CAMK4: variants seen among roughly 807,000 people sequenced by gnomAD.
CAMK4 encodes the protein calcium/calmodulin dependent protein kinase IV.
A neutral mutation model predicts 44.9 loss-of-function variants in CAMK4; 22 were observed. That is an observed-to-expected ratio of 0.49 (90% CI 0.35 to 0.70). The LOEUF is 0.70. CAMK4 is among the 30% of genes least tolerant of loss of function. CAMK4 has a pLI of 0.01. For missense variants in CAMK4, 498 were observed against 586.8 expected (o/e 0.85, Z 1.56); for synonymous variants, 218 against 215.4 (o/e 1.01, Z -0.11).
chr5:111,378,637 C>T (rs919432664), intron 4 of CAMK4, among the ~76,000 whole-genome samples: 1 of 152,076 alleles, frequency 6.6e-6, no homozygotes, highest in Admixed American at 6.6e-5. Context: ...AACATTATAA[C>T]ATTTTGACTA....
upstream of CAMK4, chr5:111,224,286 TC>T (rs1748049757): frequency 3.0e-6 from 2 of 676,148 alleles, no homozygotes; most frequent in African/African-American, 3.9e-5. This position sits in a 1 kb window ranked among gnomAD's most constrained non-coding sequence, Gnocchi z 5.7. Flanking sequence ...GGGTTCCCCC[TC>T]GCGCCCTCTC....
chr5:111,469,838 G>A (rs1755000903), intron 7 of CAMK4, among the ~76,000 whole-genome samples: 1 of 152,124 alleles, frequency 6.6e-6, no homozygotes, highest in Non-Finnish European at 1.5e-5. Flanking sequence ...ATGGGTAGCA[G>A]GTTAAAACTC....
rs946848818 is a variant in CAMK4 at position 111,250,343 on chromosome 5, G to A, written c.161+25699G>A. Among the ~76,000 whole-genome samples, 5 of 152,240 alleles carry A rather than the reference G, an allele frequency of 3.3e-5. 1 individual carries two copies. The South Asian group carries it at 1.0e-3, about 32-fold the overall frequency. On this transcript the variant is annotated intron_variant, in intron 1 of 10. Coordinates refer to ENST00000282356, the MANE Select transcript of CAMK4 (RefSeq NM_001744.6). The stretch of plus-strand genomic sequence containing the variant: ...TTTCTCTTACCTGATTGAAGGCATG[G>A]TGTACTTCTTTAAAGAAGGAAGATA...
In CAMK4 at chr5:111,224,666, G is replaced by T; in HGVS notation, c.161+22G>T. 6.3e-7 allele frequency: 1 copy of T among 1,592,858 alleles called. No homozygotes were observed. The highest frequency in any genetic ancestry group is 8.5e-7 in the Non-Finnish European group (1 of 1,170,426). The stretch of plus-strand genomic sequence containing the variant: ...GACGGTAAGGCGCGGGCTCCGGCTG[G>T]GGAAGCCCGCGGCGTGCACTGGGGG... On this transcript the variant is annotated intron_variant, in intron 1 of 10. Coordinates refer to ENST00000282356, the MANE Select transcript of CAMK4 (RefSeq NM_001744.6). The surrounding 1 kb of genome is among the most constrained non-coding windows in gnomAD (Gnocchi z 5.7).
rs1755753570 is a variant in CAMK4 at position 111,489,816 on chromosome 5, T to C, written c.*5350T>C. 6.6e-6 allele frequency: 1 copy of C among 152,232 alleles called. No homozygotes were observed. The highest frequency in any genetic ancestry group is 1.5e-5 in the Non-Finnish European group (1 of 68,062). 9.4% of individuals were successfully genotyped at this position (152,232 alleles called of 1,614,324 possible). ...GGAAAAATGAGATTCCACCAGTGGG[T>C]TACTCTTTTCTTGTCTTGGTTTGCT... is the stretch of plus-strand genomic sequence containing the variant. On this transcript the variant is annotated 3_prime_UTR_variant, in exon 11 of 11. Coordinates refer to ENST00000282356, the MANE Select transcript of CAMK4 (RefSeq NM_001744.6).
intron 2 of CAMK4, among the ~76,000 whole-genome samples, chr5:111,362,803 G>A (rs1035490367): frequency 2.0e-5 from 3 of 151,888 alleles, no homozygotes; most frequent in African/African-American, 7.3e-5. Context: ...GCCCATGGAG[G>A]GCACAGAGGC....
chr5:111,273,691 A>ATATATATATT (rs1750619995), intron 1 of CAMK4, among the ~76,000 whole-genome samples: 1 of 50,168 alleles, frequency 2.0e-5, no homozygotes, highest in Non-Finnish European at 3.3e-5. Context: ...ATATATATAT[A>ATATATATATT]TATATATATA....
At chr5:111,435,374 T>A (rs1436742761) in intron 5 of CAMK4, among the ~76,000 whole-genome samples, 5 of 152,036 alleles carry the variant, frequency 3.3e-5, no homozygotes, top group Non-Finnish European at 5.9e-5. Context: ...TCTTATTTTT[T>A]AATATTATTT....
chr5:111,259,468 G>GA (rs1236453204), intron 1 of CAMK4, among the ~76,000 whole-genome samples: 2 of 152,256 alleles, frequency 1.3e-5, no homozygotes, highest in East Asian at 3.9e-4. Context: ...GATATTCACG[G>GA]AAAAAATACG....
At chr5:111,440,965 T>A (rs945360276) in intron 5 of CAMK4, among the ~76,000 whole-genome samples, 1 of 152,158 alleles carries the variant, frequency 6.6e-6, no homozygotes, top group African/African-American at 2.4e-5. Flanking sequence ...ACTAAGTAAT[T>A]ACACACCTCA....
At chr5:111,340,322 A>G (rs567105189) in intron 1 of CAMK4, among the ~76,000 whole-genome samples, 1 of 151,298 alleles carries the variant, frequency 6.6e-6, no homozygotes, top group Middle Eastern at 3.4e-3. Flanking sequence ...ACAGCTTTCA[A>G]CTTTTTACCA....
chr5:111,446,956 T>C lies in CAMK4; in HGVS notation c.550+180T>C, dbSNP rs531789655. Among the ~76,000 whole-genome samples the C allele has an allele frequency of 6.6e-5, 10 of 152,354 alleles. No homozygotes were observed. In the South Asian group the frequency reaches 2.1e-3, roughly 32 times the overall value. On this transcript the variant is annotated intron_variant, in intron 6 of 10. Transcript: ENST00000282356. Reference sequence around the variant, plus strand: ...AGTTTTTGCTCTTTCCTGGAATGTTTATTTGGAAAATATTGCTTAGAAGTT... The same window carrying C: ...AGTTTTTGCTCTTTCCTGGAATGTTCATTTGGAAAATATTGCTTAGAAGTT...
chr5:111,390,323 A>G (rs925287596), intron 4 of CAMK4, among the ~76,000 whole-genome samples: 5 of 152,100 alleles, frequency 3.3e-5, no homozygotes, highest in South Asian at 2.1e-4. Context: ...AACTATAATC[A>G]TTGAGGTTTT....
intron 5 of CAMK4, among the ~76,000 whole-genome samples, chr5:111,405,496 A>T (rs921637639): frequency 2.0e-5 from 3 of 152,176 alleles, no homozygotes; most frequent in African/African-American, 7.2e-5. Context: ...AAAAAGACGA[A>T]GTTTATTGTT....
chr5:111,417,902 T>C (rs778498737), intron 5 of CAMK4, among the ~76,000 whole-genome samples: 5 of 152,238 alleles, frequency 3.3e-5, no homozygotes, highest in Non-Finnish European at 7.3e-5. Flanking sequence ...CTTTAACCTG[T>C]TTTGTCATTG....
chr5:111,473,461 T>A, intron 8 of CAMK4, 75 bp downstream of exon 8: 1 of 908,838 alleles, frequency 1.1e-6, no homozygotes. Context: ...CTAATGCTCA[T>A]AAAAACCATA....
rs757555758 is a variant in CAMK4 at position 111,485,734 on chromosome 5, C to G, written c.*1268C>G. 30 of 152,096 alleles carry G rather than the reference C, an allele frequency of 2.0e-4. No individual in the cohort carries two copies. The highest frequency in any genetic ancestry group is 5.9e-4 in the Admixed American group (9 of 15,276). 9.4% of individuals were successfully genotyped at this position (152,096 alleles called of 1,614,324 possible). ...ACAAAAACAAAAATAAAGAAAAATA[C>G]TGATTTCAAATCAGACTCTTAAAAA... On this transcript the variant is annotated 3_prime_UTR_variant, in exon 11 of 11. Transcript: ENST00000282356.
intron 1 of CAMK4, among the ~76,000 whole-genome samples, chr5:111,336,512 C>T (rs1233494862): frequency 1.3e-5 from 2 of 150,878 alleles, no homozygotes; most frequent in Non-Finnish European, 3.0e-5. Context: ...ATTGTTATTT[C>T]CACATAAGTT....
intron 1 of CAMK4, among the ~76,000 whole-genome samples, chr5:111,293,838 C>T (rs1409053510): frequency 6.6e-6 from 1 of 151,134 alleles, no homozygotes; most frequent in African/African-American, 2.4e-5. Context: ...GCTCCGCCTC[C>T]CGGGTTCATG....
Sources: allele counts gnomAD v4.1 joint callset (sites outside exome capture counted in the v4.1 genomes callset), GRCh38; gene constraint gnomAD v4.1.1; non-coding constraint Gnocchi (gnomAD v3.1); transcripts MANE v1.5; gene names NCBI Gene and HGNC (gene_info 2026-07-23, HGNC 2026-07-21).